GDPD4: variants seen among roughly 807,000 people sequenced by gnomAD.
GDPD4 encodes glycerophosphodiester phosphodiesterase domain containing 4, also known as glycerophosphodiester phosphodiesterase 6.
Under a neutral mutation model 67.8 loss-of-function variants are expected in GDPD4, and 60 were observed. The observed-to-expected ratio is 0.88, with a 90% CI of 0.72 to 1.10. The LOEUF (loss-of-function observed/expected upper bound fraction) is 1.10. GDPD4 is among the 50% of genes least tolerant of loss of function. The pLI, the probability that GDPD4 is intolerant of heterozygous loss-of-function variation, is 0.00. For synonymous variants in GDPD4, 212 were observed against 210.9 expected (o/e 1.00, Z -0.04); for missense variants, 623 against 613.9 (o/e 1.01, Z -0.16).
At chr11:77,283,084 CA>C (rs1402182626) in intron 3 of GDPD4, among the ~76,000 whole-genome samples, 1 of 152,202 alleles carries the variant, frequency 6.6e-6, no homozygotes, top group African/African-American at 2.4e-5. Context: ...TGATTTACAA[CA>C]CTACATCCTG....
intron 11 of GDPD4, among the ~76,000 whole-genome samples, chr11:77,251,819 C>G (rs1958904147): frequency 6.6e-6 from 1 of 152,166 alleles, no homozygotes; most frequent in Non-Finnish European, 1.5e-5. Flanking sequence ...CCCTCAGGAA[C>G]ATCTACAATA....
intron 1 of GDPD4, among the ~76,000 whole-genome samples, chr11:77,293,656 T>C (rs1177590765): frequency 2.0e-5 from 3 of 151,544 alleles, no homozygotes; most frequent in South Asian, 2.1e-4. Flanking sequence ...GCCATCTAAA[T>C]AGATACATAA....
At chr11:77,293,870 C>T (rs888794540) in intron 1 of GDPD4, among the ~76,000 whole-genome samples, 2 of 152,148 alleles carry the variant, frequency 1.3e-5, no homozygotes, top group Non-Finnish European at 2.9e-5. Flanking sequence ...TGTCTGTTAT[C>T]ACCAACCTTG....
chr11:77,272,043 A>G (rs112498030), intron 5 of GDPD4, among the ~76,000 whole-genome samples: 2,481 of 152,324 alleles, frequency 0.016, 21 homozygotes, highest in African/African-American at 0.026. Context: ...TCAAATGTAT[A>G]GTTTTCCTAC....
At chr11:77,239,314 T>C (rs943170047) in intron 13 of GDPD4, among the ~76,000 whole-genome samples, 3 of 152,198 alleles carry the variant, frequency 2.0e-5, no homozygotes, top group Non-Finnish European at 2.9e-5. Context: ...TCACCACTTC[T>C]TTTTGACATA....
At chr11:77,242,800 GC>G in intron 13 of GDPD4, among the ~76,000 whole-genome samples, 1 of 151,948 alleles carries the variant, frequency 6.6e-6, no homozygotes, top group African/African-American at 2.4e-5. Flanking sequence ...ATTTTCCAAC[GC>G]TAAAAGAAAA....
intron 7 of GDPD4, 69 bp from the exon 8 acceptor site, chr11:77,270,029 C>T: frequency 1.3e-6 from 1 of 760,658 alleles, no homozygotes. Context: ...CCCAGAAATA[C>T]TTTCTAAAAT....
intron 16 of GDPD4, among the ~76,000 whole-genome samples, chr11:77,227,074 G>T (rs58013937): frequency 6.6e-6 from 1 of 152,024 alleles, no homozygotes; most frequent in African/African-American, 2.4e-5. Flanking sequence ...ATCCCACACC[G>T]CGCAGTCTTC....
intron 14 of GDPD4, 129 bp downstream of exon 14, chr11:77,232,896 T>G: frequency 1.4e-6 from 1 of 712,236 alleles, no homozygotes; most frequent in East Asian, 2.7e-5. Context: ...ATACCACATC[T>G]CCAATATTCA....
chr11:77,232,977 ACTG>A, intron 14 of GDPD4, 45 bp downstream of exon 14: 1 of 1,595,138 alleles, frequency 6.3e-7, no homozygotes, highest in Non-Finnish European at 8.6e-7. Flanking sequence ...GGGGGCCTGC[ACTG>A]CTATCATACC....
intron 12 of GDPD4, among the ~76,000 whole-genome samples, chr11:77,244,257 TCTC>T (rs1393958876): frequency 6.6e-6 from 1 of 152,104 alleles, no homozygotes; most frequent in African/African-American, 2.4e-5. Context: ...ATGGTCTCGA[TCTC>T]CTGACCTCAT....
chr11:77,294,969 T>C, intron 1 of GDPD4, among the ~76,000 whole-genome samples: 1 of 140,846 alleles, frequency 7.1e-6, no homozygotes, highest in African/African-American at 2.7e-5. Flanking sequence ...GCTTTTTTTT[T>C]TTTTTTTTTT....
Position 77,245,387 on chromosome 11 carries a change from A to T in GDPD4, c.980T>A (p.Phe327Tyr). 1 of 1,614,142 alleles carries T rather than the reference A, an allele frequency of 6.2e-7. No individual in the cohort carries two copies. The highest frequency in any genetic ancestry group is 8.5e-7 in the Non-Finnish European group (1 of 1,180,014). The change falls in exon 12 of 17, where the codon TTT becomes TAT. Residue 327 changes from phenylalanine (F) to tyrosine (Y), a missense_variant. Transcript: ENST00000315938. ...AGGGCGATGAAGATCAAATATCACA[A>T]ATTTTCTTTCCTTCTCTGCAAGTGT... ...LLTLAEKERK[F>Y]VIFDLHRPPP...
chr11:77,223,362 A>C (rs915065412), intron 16 of GDPD4, among the ~76,000 whole-genome samples: 8 of 151,968 alleles, frequency 5.3e-5, no homozygotes, highest in Non-Finnish European at 8.8e-5. Flanking sequence ...TGATCTACAG[A>C]TGGGGTTTTG....
chr11:77,277,447 C>A (rs1959531778), intron 4 of GDPD4, among the ~76,000 whole-genome samples: 1 of 118,904 alleles, frequency 8.4e-6, no homozygotes, highest in Non-Finnish European at 1.6e-5. Context: ...GTCGTCCAGG[C>A]TGGAGTGCAG....
chr11:77,219,214 C>T (rs1958181922), intron 16 of GDPD4, among the ~76,000 whole-genome samples: 1 of 152,184 alleles, frequency 6.6e-6, no homozygotes, highest in Non-Finnish European at 1.5e-5. Flanking sequence ...TGTTCATATC[C>T]TTTGCCCACT....
chr11:77,298,616 T>G (rs1185395279), intron 1 of GDPD4, among the ~76,000 whole-genome samples: 1 of 152,206 alleles, frequency 6.6e-6, no homozygotes, highest in Non-Finnish European at 1.5e-5. Context: ...CAAACTTGTT[T>G]TGAAGTCTTA....
intron 3 of GDPD4, among the ~76,000 whole-genome samples, chr11:77,280,111 G>A (rs1478708803): frequency 6.6e-6 from 1 of 152,026 alleles, no homozygotes; most frequent in Non-Finnish European, 1.5e-5. Flanking sequence ...GAAACAAACA[G>A]GCAAAGAGCC....
intron 10 of GDPD4, among the ~76,000 whole-genome samples, chr11:77,263,443 A>C (rs1451891185): frequency 6.6e-6 from 1 of 152,184 alleles, no homozygotes; most frequent in Non-Finnish European, 1.5e-5. Flanking sequence ...GACTGAAAAA[A>C]AAGAAAAGAG....
Sources: allele counts gnomAD v4.1 joint callset (sites outside exome capture counted in the v4.1 genomes callset), GRCh38; gene constraint gnomAD v4.1.1; transcripts MANE v1.5; gene names NCBI Gene and HGNC (gene_info 2026-07-23, HGNC 2026-07-21).